ZSCAN4: variants seen among roughly 807,000 people sequenced by gnomAD.
The protein encoded by ZSCAN4 is zinc finger and SCAN domain containing 4, also known as zinc finger and SCAN domain-containing protein 4.
In ZSCAN4, 18 loss-of-function variants were observed where a neutral mutation model predicts 18.3. The ratio of observed to expected loss-of-function variants is 0.98; its 90% CI spans 0.68 to 1.46. The LOEUF (loss-of-function observed/expected upper bound fraction) is 1.46, where lower values mean the gene tolerates loss of function less well. Among genes scored for constraint, ZSCAN4 ranks in the 40% most tolerant of loss-of-function variants. The pLI is 0.00. For missense variants in ZSCAN4, 498 were observed against 511.4 expected (o/e 0.97, Z 0.25); for synonymous variants, 193 against 180.3 (o/e 1.07, Z -0.57).
intron 2 of ZSCAN4, among the ~76,000 whole-genome samples, chr19:57,671,432 G>A (rs1178978101): frequency 6.6e-6 from 1 of 151,672 alleles, no homozygotes; most frequent in African/African-American, 2.4e-5. Context: ...GGGAGAAAGG[G>A]TGGGTAATCC....
chr19:57,676,122 T>G, exon 3 of ZSCAN4: 3 of 1,575,706 alleles, frequency 1.9e-6, no homozygotes, highest in Non-Finnish European at 1.7e-6. Flanking sequence ...CAAAGTAAAG[T>G]CTCTCTGAGA....
chr19:57,653,241 G>A, the ZSCAN4 span, among the ~76,000 whole-genome samples: 51 of 152,142 alleles, frequency 3.4e-4, 1 homozygote, highest in African/African-American at 9.2e-4. Context: ...TAAAAAATTA[G>A]CCGGGCATGG....
upstream of ZSCAN4, among the ~76,000 whole-genome samples, chr19:57,666,130 C>A (rs1983842674): frequency 6.6e-6 from 1 of 152,174 alleles, no homozygotes; most frequent in African/African-American, 2.4e-5. Flanking sequence ...GGAACCATAT[C>A]AGATCCTTAT....
exon 1 of ZSCAN4, chr19:57,669,044 G>C (rs1248352813): frequency 2.1e-5 from 3 of 141,184 alleles, no homozygotes; most frequent in Admixed American, 1.4e-4. Flanking sequence ...ACTAACGTTT[G>C]TCTTTATATT....
intron 2 of ZSCAN4, among the ~76,000 whole-genome samples, chr19:57,672,994 A>G (rs777161097): frequency 5.3e-5 from 8 of 152,116 alleles, no homozygotes; most frequent in Non-Finnish European, 8.8e-5. Flanking sequence ...TCCAGAGCAT[A>G]TTCATTTTTT....
chr19:57,665,928 AC>A (rs67462347), upstream of ZSCAN4, among the ~76,000 whole-genome samples: 579 of 152,254 alleles, frequency 3.8e-3, 4 homozygotes, highest in African/African-American at 0.013. Context: ...TAATACTGAT[AC>A]TTAAAATATC....
chr19:57,675,338 G>C (rs549483927), intron 2 of ZSCAN4, among the ~76,000 whole-genome samples: 5 of 151,936 alleles, frequency 3.3e-5, no homozygotes, highest in African/African-American at 1.2e-4. Context: ...AGTAGAGATG[G>C]GGTTTCACCA....
At chr19:57,670,820 A>T (rs1237975991) in intron 2 of ZSCAN4, among the ~76,000 whole-genome samples, 1 of 151,904 alleles carries the variant, frequency 6.6e-6, no homozygotes, top group Non-Finnish European at 1.5e-5. Context: ...GTGTGACTGA[A>T]GATTTTTCTT....
At chr19:57,666,757 C>G (rs529448318), upstream of ZSCAN4, among the ~76,000 whole-genome samples, 213 of 152,210 alleles carry the variant, frequency 1.4e-3, 1 homozygote, top group Non-Finnish European at 2.4e-3. Flanking sequence ...GTGGCGCATG[C>G]CTTTAATCAC....
At chr19:57,670,884 G>A in intron 2 of ZSCAN4, among the ~76,000 whole-genome samples, 1 of 138,310 alleles carries the variant, frequency 7.2e-6, no homozygotes, top group African/African-American at 2.6e-5. Context: ...TTTTTTTCGA[G>A]ACAAGATCTC....
the ZSCAN4 span, among the ~76,000 whole-genome samples, chr19:57,657,872 T>C: frequency 6.6e-6 from 1 of 152,218 alleles, no homozygotes; most frequent in African/African-American, 2.4e-5. Context: ...TGTCACCTAA[T>C]ACAGTGTAAA....
the ZSCAN4 span, among the ~76,000 whole-genome samples, chr19:57,658,055 G>A: frequency 6.6e-6 from 1 of 152,108 alleles, no homozygotes; most frequent in Non-Finnish European, 1.5e-5. Flanking sequence ...GATTTTGCGT[G>A]TTATCAACAA....
the ZSCAN4 span, among the ~76,000 whole-genome samples, chr19:57,651,640 C>T: frequency 6.6e-6 from 1 of 152,200 alleles, no homozygotes; most frequent in Non-Finnish European, 1.5e-5. Flanking sequence ...CCCTTCCTTG[C>T]TCTCAGTTCT....
At chr19:57,656,710 A>G in the ZSCAN4 span, among the ~76,000 whole-genome samples, 1 of 152,268 alleles carries the variant, frequency 6.6e-6, no homozygotes, top group Non-Finnish European at 1.5e-5. Context: ...TATCTAATAA[A>G]TGATGAGTAT....
rs1555807412 is a variant in ZSCAN4, at chr19:57,669,058, C to CTTCTTTTTTTT, written c.-572_-571insCTTTTTTTTTT. Reference sequence around the variant, plus strand: ...GACTAACGTTTGTCTTTATATTTTCCTTTTTTTTTTTTTTTTTTTTGAGAC... The same window carrying CTTCTTTTTTTT: ...GACTAACGTTTGTCTTTATATTTTCCTTCTTTTTTTTTTTTTTTTTTTTTTTTTTTTGAGAC... On this transcript the variant is annotated 5_prime_UTR_variant, in exon 1 of 5. Coordinates refer to ENST00000318203, the Ensembl canonical transcript of ZSCAN4. 5 of 68,602 alleles carry CTTCTTTTTTTT rather than the reference C, an allele frequency of 7.3e-5. 1 individual carries two copies. Among genetic ancestry groups the CTTCTTTTTTTT allele is most frequent in the African/African-American group, 2.7e-4 (4 of 14,982 alleles). 4.2% of individuals were successfully genotyped at this position (68,602 alleles called of 1,614,324 possible).
chr19:57,672,990 G>A (rs1377484938), intron 2 of ZSCAN4, among the ~76,000 whole-genome samples: 1 of 152,042 alleles, frequency 6.6e-6, no homozygotes. Flanking sequence ...GATCTCCAGA[G>A]CATATTCATT....
chr19:57,663,519 C>CAAAAAAAAAAA, the ZSCAN4 span, among the ~76,000 whole-genome samples: 3 of 18,308 alleles, frequency 1.6e-4, no homozygotes, highest in African/African-American at 6.5e-4. Flanking sequence ...AACCATGTCT[C>CAAAAAAAAAAA]TAAAAAAAAA....
the ZSCAN4 span, among the ~76,000 whole-genome samples, chr19:57,651,708 G>A: frequency 6.6e-6 from 1 of 152,178 alleles, no homozygotes; most frequent in African/African-American, 2.4e-5. Context: ...AACCTGGGAA[G>A]CAGTGAGCAG....
the ZSCAN4 span, among the ~76,000 whole-genome samples, chr19:57,662,420 T>G: frequency 6.6e-6 from 1 of 152,320 alleles, no homozygotes; most frequent in Non-Finnish European, 1.5e-5. Context: ...ATTTAGATTA[T>G]TTTAATTTGC....
Sources: gnomAD v4.1 joint callset for allele counts (sites outside exome capture counted in the v4.1 genomes callset) on GRCh38, gnomAD v4.1.1 for gene constraint, MANE v1.5 for transcripts, NCBI Gene and HGNC (gene_info 2026-07-23, HGNC 2026-07-21) for gene names.